Variants in ADAMTS3 observed in about 807,000 individuals in gnomAD.
ADAMTS3 encodes the protein A disintegrin and metalloproteinase with thrombospondin motifs 3.
A neutral mutation model predicts 129.0 loss-of-function variants in ADAMTS3; 73 were observed. The observed-to-expected ratio is 0.57, with a 90% confidence interval of 0.47 to 0.69. The LOEUF is 0.69. Ranked by LOEUF, ADAMTS3 falls within the 30% of genes least tolerant of loss-of-function variation. The pLI, the probability that ADAMTS3 is intolerant of heterozygous loss-of-function variation, is 0.00. For missense variants in ADAMTS3, 1,457 were observed against 1,514.5 expected (o/e 0.96, Z 0.63); for synonymous variants, 477 against 510.8 (o/e 0.93, Z 0.89).
intron 4 of ADAMTS3, among the ~76,000 whole-genome samples, chr4:72,367,607 T>C (rs1720899815): frequency 6.6e-6 from 1 of 152,160 alleles, no homozygotes; most frequent in African/African-American, 2.4e-5. Flanking sequence ...TTCCAGCACT[T>C]TGGGAGGCCG....
At chr4:72,445,128 T>G (rs6816682) in intron 3 of ADAMTS3, among the ~76,000 whole-genome samples, 147,632 of 151,656 alleles carry the variant, frequency 0.97, 71,999 homozygotes, top group East Asian at 1. Flanking sequence ...ATTGATTTTG[T>G]TGACAACTGC....
At chr4:72,417,178 T>A (rs116370988) in intron 3 of ADAMTS3, among the ~76,000 whole-genome samples, 1 of 152,162 alleles carries the variant, frequency 6.6e-6, no homozygotes, top group Non-Finnish European at 1.5e-5. Context: ...ATAAACATCA[T>A]CATTGTTTAT....
intron 4 of ADAMTS3, among the ~76,000 whole-genome samples, chr4:72,388,472 CT>C (rs1441021696): frequency 2.0e-5 from 3 of 152,234 alleles, no homozygotes; most frequent in Non-Finnish European, 4.4e-5. Flanking sequence ...GTCACTACCC[CT>C]GGTGCTGCTT....
chr4:72,346,991 A>C (rs529050134), intron 4 of ADAMTS3, among the ~76,000 whole-genome samples: 1 of 152,252 alleles, frequency 6.6e-6, no homozygotes, highest in African/African-American at 2.4e-5. Flanking sequence ...TATGCTAATG[A>C]AATTGTGAAC....
chr4:72,462,464 G>C lies in ADAMTS3; in HGVS notation c.505-47493C>G, dbSNP rs141844143. 2.0e-3 allele frequency among the ~76,000 whole-genome samples: 311 copies of C among 152,054 alleles called. 3 individuals are homozygous for C. The highest frequency in any genetic ancestry group is 7.3e-3 in the African/African-American group (302 of 41,538). On this transcript the variant is annotated intron_variant, in intron 3 of 21. Coordinates refer to ENST00000286657, the MANE Select transcript of ADAMTS3 (RefSeq NM_014243.3). The stretch of plus-strand genomic sequence containing the variant: ...AATCCCAAGCACATCAAAGAAACAT[G>C]AGTGCATTTTACACAAGTGTACGGT...
intron 2 of ADAMTS3, among the ~76,000 whole-genome samples, chr4:72,554,667 C>T (rs1041713154): frequency 2.0e-5 from 3 of 151,732 alleles, no homozygotes; most frequent in Non-Finnish European, 2.9e-5. Context: ...AGCAATTTCT[C>T]TCAAACTAAC....
intron 4 of ADAMTS3, among the ~76,000 whole-genome samples, chr4:72,399,451 T>C (rs1261000854): frequency 1.3e-5 from 2 of 152,096 alleles, no homozygotes; most frequent in Non-Finnish European, 2.9e-5. Flanking sequence ...AAAAATTATT[T>C]TTCTCAGCAA....
chr4:72,427,029 T>C (rs889498010), intron 3 of ADAMTS3, among the ~76,000 whole-genome samples: 52 of 152,288 alleles, frequency 3.4e-4, no homozygotes, highest in African/African-American at 1.1e-3. Flanking sequence ...ATTGCTGCCA[T>C]AACAAATTGC....
intron 3 of ADAMTS3, among the ~76,000 whole-genome samples, chr4:72,530,182 T>G (rs1224689457): frequency 1.4e-5 from 1 of 71,792 alleles, no homozygotes; most frequent in African/African-American, 5.6e-5. Context: ...AATATATATT[T>G]ATATTATATA....
chr4:72,409,955 A>G lies in ADAMTS3; in HGVS notation c.661+4860T>C, dbSNP rs373975820. Among the ~76,000 whole-genome samples the G allele has an allele frequency of 1.6e-4, 24 of 147,356 alleles. No homozygotes were observed. In the East Asian group the frequency reaches 2.8e-3, roughly 17 times the overall value. On this transcript the variant is annotated intron_variant, in intron 4 of 21. Coordinates refer to ENST00000286657, the MANE Select transcript of ADAMTS3 (RefSeq NM_014243.3). The stretch of plus-strand genomic sequence containing the variant: ...TGCAGGTGTAAAAATTTTGTAATTT[A>G]ACACTTACCCAAAATAATGATTGCT...
intron 4 of ADAMTS3, among the ~76,000 whole-genome samples, chr4:72,399,294 G>A (rs1261861275): frequency 1.3e-5 from 2 of 152,048 alleles, no homozygotes; most frequent in Non-Finnish European, 2.9e-5. Context: ...TTAGCTGAGT[G>A]TGGTGGTGCA....
At chr4:72,371,709 C>T (rs908127766) in intron 4 of ADAMTS3, among the ~76,000 whole-genome samples, 23 of 152,016 alleles carry the variant, frequency 1.5e-4, no homozygotes, top group South Asian at 1.5e-3. Context: ...TTCAGCACAA[C>T]GAACACTAAA....
rs1412415402 is a variant in ADAMTS3 at position 72,530,048 on chromosome 4, T to TTATA, written c.504+18426_504+18429dup. On this transcript the variant is annotated intron_variant, in intron 3 of 21. Transcript: ENST00000286657. Reference sequence around the variant, plus strand: ...TATATATAAATATAATATATTATATTTATATATAATATGTTATATATAACA... The same window carrying TTATA: ...TATATATAAATATAATATATTATATTTATATATATATAATATGTTATATATAACA... 9.6e-3 allele frequency among the ~76,000 whole-genome samples: 70 copies of TTATA among 7,262 alleles called. 25 individuals carry two copies. The highest frequency in any genetic ancestry group is 0.011 in the Non-Finnish European group (56 of 5,130). The allele number at this position is 7,262 out of a possible 152,430, so 4.8% of individuals were successfully genotyped here. A position where few individuals can be genotyped will look rare whatever the true frequency, so the allele number is the denominator to read the frequency against.
chr4:72,460,604 CA>C (rs1309894504), intron 3 of ADAMTS3, among the ~76,000 whole-genome samples: 3 of 150,816 alleles, frequency 2.0e-5, no homozygotes, highest in South Asian at 4.2e-4. Context: ...CAATTACTAT[CA>C]AAAAAACCAT....
At chr4:72,401,566 C>CAAAAAAAAAAAAAAAAAAAAA (rs374322807) in intron 4 of ADAMTS3, among the ~76,000 whole-genome samples, 9 of 37,050 alleles carry the variant, frequency 2.4e-4, no homozygotes, top group East Asian at 8.5e-4. Context: ...TACTCTGTCT[C>CAAAAAAAAAAAAAAAAAAAAA]AAAAAAAAAA....
At chr4:72,383,738 T>C (rs116440602) in intron 4 of ADAMTS3, among the ~76,000 whole-genome samples, 2,949 of 152,216 alleles carry the variant, frequency 0.019, 71 homozygotes, top group African/African-American at 0.068. Flanking sequence ...TACCACATAA[T>C]GCAACATCTC....
rs527264457 is a variant in ADAMTS3 at position 72,324,020 on chromosome 4, G to A, written c.862-923C>T. On this transcript the variant is annotated intron_variant, in intron 5 of 21. Transcript: ENST00000286657. The stretch of plus-strand genomic sequence containing the variant: ...GCAAATAAAAAATGCTAGCAGGAAG[G>A]AGAAAGGTGGAGTTACCAGGCTAGA... Among the ~76,000 whole-genome samples the A allele has an allele frequency of 1.1e-4, 17 of 152,234 alleles. No individual in the cohort carries two copies. In the South Asian group the frequency reaches 3.5e-3, roughly 32 times the overall value.
At chr4:72,540,589 C>T (rs1275133395) in intron 3 of ADAMTS3, among the ~76,000 whole-genome samples, 1 of 152,180 alleles carries the variant, frequency 6.6e-6, no homozygotes, top group East Asian at 1.9e-4. Flanking sequence ...GCAGCCCCTA[C>T]CATCACACAC....
chr4:72,380,018 G>A (rs1721243331), intron 4 of ADAMTS3, among the ~76,000 whole-genome samples: 1 of 152,024 alleles, frequency 6.6e-6, no homozygotes, highest in Non-Finnish European at 1.5e-5. Flanking sequence ...ATACCTTGTT[G>A]CTATGGAACA....
Sources: gnomAD v4.1 joint callset for allele counts (sites outside exome capture counted in the v4.1 genomes callset) on GRCh38, gnomAD v4.1.1 for gene constraint, MANE v1.5 for transcripts, NCBI Gene and HGNC (gene_info 2026-07-23, HGNC 2026-07-21) for gene names.